The following IQCM variants were observed in gnomAD, a reference collection of about 807,000 sequenced individuals.
IQCM encodes the protein IQ domain-containing protein M.
Under a neutral mutation model 57.6 loss-of-function variants are expected in IQCM, and 45 were observed. That is an observed-to-expected ratio of 0.78 (90% CI 0.62 to 1.00). The LOEUF (loss-of-function observed/expected upper bound fraction) is 1.00. Among genes scored for constraint, IQCM ranks in the 50% least tolerant of loss-of-function variants. The pLI, the probability that IQCM is intolerant of heterozygous loss-of-function variation, is 0.00. For missense variants in IQCM, 468 were observed against 511.6 expected, an observed-to-expected ratio of 0.91 and a Z score of 0.82; for synonymous variants, 148 against 158.9, an observed-to-expected ratio of 0.93 and a Z score of 0.51.
At chr4:149,463,203 C>T (rs1369388950) in intron 12 of IQCM, among the ~76,000 whole-genome samples, 1 of 152,090 alleles carries the variant, frequency 6.6e-6, no homozygotes, top group African/African-American at 2.4e-5. Flanking sequence ...TTTGTCAAGT[C>T]GTGAAGACAA....
chr4:149,479,087 C>T (rs1299481971), intron 12 of IQCM, among the ~76,000 whole-genome samples: 1 of 152,166 alleles, frequency 6.6e-6, no homozygotes, highest in Non-Finnish European at 1.5e-5. Flanking sequence ...TAAAGAATCA[C>T]TCAGTTTTAC....
intron 2 of IQCM, among the ~76,000 whole-genome samples, chr4:149,774,924 A>T (rs907366768): frequency 6.7e-6 from 1 of 149,502 alleles, no homozygotes; most frequent in Non-Finnish European, 1.5e-5. Context: ...TTAGACATTT[A>T]TTTTTTTCAC....
At chr4:149,769,908 A>G (rs1464675826) in intron 2 of IQCM, among the ~76,000 whole-genome samples, 4 of 152,100 alleles carry the variant, frequency 2.6e-5, no homozygotes, top group Non-Finnish European at 5.9e-5. Context: ...AGGAGAGTTA[A>G]CACTATCAAG....
chr4:149,764,287 C>G (rs1317450958), intron 2 of IQCM, among the ~76,000 whole-genome samples: 1 of 152,168 alleles, frequency 6.6e-6, no homozygotes, highest in Non-Finnish European at 1.5e-5. Flanking sequence ...CTTAAACCCC[C>G]TCCCTAGGGA....
chr4:149,448,809 A>G (rs1195512677), intron 12 of IQCM, among the ~76,000 whole-genome samples: 1 of 151,800 alleles, frequency 6.6e-6, no homozygotes, highest in Non-Finnish European at 1.5e-5. Context: ...TGTACATATG[A>G]AAGAAATTGA....
chr4:149,590,191 C>T (rs1200808536), intron 8 of IQCM, among the ~76,000 whole-genome samples: 1 of 150,414 alleles, frequency 6.6e-6, no homozygotes, highest in Non-Finnish European at 1.5e-5. Flanking sequence ...CCTTTGCAAC[C>T]TCCATTGATG....
chr4:149,787,832 T>C (rs1290248603), intron 2 of IQCM, among the ~76,000 whole-genome samples: 1 of 151,930 alleles, frequency 6.6e-6, no homozygotes, highest in Non-Finnish European at 1.5e-5. Context: ...AGTAGACAAA[T>C]GGGACTATAT....
chr4:149,740,461 T>A (rs1288842163), intron 3 of IQCM, among the ~76,000 whole-genome samples: 1 of 152,156 alleles, frequency 6.6e-6, no homozygotes, highest in East Asian at 1.9e-4. Flanking sequence ...AGATAGGCAC[T>A]GTGATAGAAG....
chr4:149,649,835 A>G (rs571211988), intron 7 of IQCM, among the ~76,000 whole-genome samples: 140 of 152,322 alleles, frequency 9.2e-4, no homozygotes, highest in African/African-American at 3.2e-3. Context: ...TCAGGTCTCC[A>G]AACATCTTTT....
At chr4:149,445,771 G>T (rs996928648) in intron 12 of IQCM, among the ~76,000 whole-genome samples, 1 of 151,634 alleles carries the variant, frequency 6.6e-6, no homozygotes, top group African/African-American at 2.4e-5. Flanking sequence ...ATTTTTAAAG[G>T]GACGTTTATG....
intron 13 of IQCM, among the ~76,000 whole-genome samples, chr4:149,412,135 T>C (rs1733433634): frequency 6.6e-6 from 1 of 151,928 alleles, no homozygotes; most frequent in Admixed American, 6.6e-5. Context: ...ACCTTGCCAC[T>C]CTGCAATCAA....
At chr4:149,774,516 G>T (rs1770889771) in intron 2 of IQCM, among the ~76,000 whole-genome samples, 1 of 152,086 alleles carries the variant, frequency 6.6e-6, no homozygotes, top group Non-Finnish European at 1.5e-5. Flanking sequence ...CATATTAAAA[G>T]GCTAGGGTGG....
chr4:149,446,980 G>C (rs1451033020), intron 12 of IQCM, among the ~76,000 whole-genome samples: 1 of 151,448 alleles, frequency 6.6e-6, no homozygotes, highest in African/African-American at 2.4e-5. Context: ...CACTGTGTTA[G>C]GTAATAGGGA....
chr4:149,666,624 G>A (rs1039596363), intron 7 of IQCM, among the ~76,000 whole-genome samples: 3 of 152,096 alleles, frequency 2.0e-5, no homozygotes, highest in African/African-American at 7.2e-5. Flanking sequence ...GAGCCAAGTG[G>A]TCTTGCTCAG....
At chr4:149,591,024 A>G (rs1440157166) in intron 8 of IQCM, among the ~76,000 whole-genome samples, 1 of 152,064 alleles carries the variant, frequency 6.6e-6, no homozygotes, top group Non-Finnish European at 1.5e-5. Flanking sequence ...CTGAATATGT[A>G]AGTCATTTAT....
chr4:149,410,107 C>T (rs542912062), intron 13 of IQCM, among the ~76,000 whole-genome samples: 3 of 152,182 alleles, frequency 2.0e-5, no homozygotes, highest in East Asian at 1.9e-4. Context: ...TGCTTGAACC[C>T]GGGAGGCAGA....
At chr4:149,473,619 T>G (rs1739837962) in intron 12 of IQCM, among the ~76,000 whole-genome samples, 1 of 152,242 alleles carries the variant, frequency 6.6e-6, no homozygotes, top group African/African-American at 2.4e-5. Context: ...GCCATCCCAT[T>G]ACTGGGTATA....
At chr4:149,657,246 A>T (rs564079832) in intron 7 of IQCM, among the ~76,000 whole-genome samples, 1 of 152,310 alleles carries the variant, frequency 6.6e-6, no homozygotes, top group East Asian at 1.9e-4. Flanking sequence ...AAGATACCAC[A>T]TATGACTGAG....
intron 13 of IQCM, among the ~76,000 whole-genome samples, chr4:149,359,662 G>T (rs1729336260): frequency 6.6e-6 from 1 of 152,182 alleles, no homozygotes; most frequent in East Asian, 1.9e-4. Flanking sequence ...TTTTCTCAAA[G>T]GTTTGAAGTA....
Sources: gnomAD v4.1 joint callset for allele counts (sites outside exome capture counted in the v4.1 genomes callset) on GRCh38, gnomAD v4.1.1 for gene constraint, MANE v1.5 for transcripts, NCBI Gene and HGNC (gene_info 2026-07-23, HGNC 2026-07-21) for gene names.